SLC20A2: variants seen among roughly 807,000 people sequenced by gnomAD.
SLC20A2 encodes sodium-dependent phosphate transporter 2.
A neutral mutation model predicts 61.0 loss-of-function variants in SLC20A2; 30 were observed. That is an observed-to-expected ratio of 0.49 (90% CI 0.37 to 0.67). SLC20A2 has a LOEUF of 0.67. SLC20A2 is among the 30% of genes least tolerant of loss of function. SLC20A2 has a pLI of 0.00. For synonymous variants in SLC20A2, 351 were observed against 353.3 expected, an observed-to-expected ratio of 0.99 and a Z score of 0.07; for missense variants, 626 against 866.4, an observed-to-expected ratio of 0.72 and a Z score of 3.48.
chr8:42,469,867 G>T (rs1235665719), intron 2 of SLC20A2, among the ~76,000 whole-genome samples: 1 of 151,348 alleles, frequency 6.6e-6, no homozygotes, highest in Non-Finnish European at 1.5e-5. Context: ...GGCAGAGGTT[G>T]CAGTGAGCCG....
chr8:42,458,683 C>T (rs577399879), intron 5 of SLC20A2, among the ~76,000 whole-genome samples: 5 of 148,940 alleles, frequency 3.4e-5, no homozygotes, highest in South Asian at 2.1e-4. Context: ...CAAGGTGGGG[C>T]GGATCATGAG....
intron 8 of SLC20A2, among the ~76,000 whole-genome samples, chr8:42,430,840 A>G (rs559019703): frequency 3.9e-5 from 6 of 152,266 alleles, no homozygotes; most frequent in South Asian, 2.1e-4. Flanking sequence ...ATCTGTGATC[A>G]GTGATCTTTT....
intron 1 of SLC20A2, among the ~76,000 whole-genome samples, chr8:42,510,218 C>A (rs139273656): frequency 9.2e-5 from 14 of 152,156 alleles, no homozygotes; most frequent in African/African-American, 3.4e-4. Flanking sequence ...AACAAAAAAA[C>A]CCATTAAAAG....
intron 9 of SLC20A2, 61 bp from the exon 10 acceptor site, chr8:42,428,903 G>A (rs1312816927): frequency 6.1e-5 from 84 of 1,387,768 alleles, no homozygotes; most frequent in Admixed American, 7.7e-5. Flanking sequence ...CTGACACCCC[G>A]TGGGTGCTAG....
chr8:42,459,255 A>T (rs913080092), intron 5 of SLC20A2, among the ~76,000 whole-genome samples: 1 of 151,460 alleles, frequency 6.6e-6, no homozygotes, highest in African/African-American at 2.4e-5. Context: ...AAAAAAAAAA[A>T]AAAACATAAA....
chr8:42,513,583 C>T (rs747430434), intron 1 of SLC20A2, among the ~76,000 whole-genome samples: 6 of 152,144 alleles, frequency 3.9e-5, no homozygotes, highest in Non-Finnish European at 7.3e-5. Flanking sequence ...TTGCATTCCC[C>T]AACCCCATAG....
chr8:42,493,542 A>G (rs1200407676), intron 1 of SLC20A2, among the ~76,000 whole-genome samples: 2 of 152,172 alleles, frequency 1.3e-5, no homozygotes, highest in African/African-American at 2.4e-5. Flanking sequence ...TGAAATTTTA[A>G]TGGATAATCA....
chr8:42,439,361 C>G, intron 7 of SLC20A2, 89 bp downstream of exon 7: 1 of 1,256,368 alleles, frequency 8.0e-7, no homozygotes, highest in East Asian at 2.4e-5. Flanking sequence ...TGCATTAAAA[C>G]CAGATTGCCC....
At chr8:42,515,850 T>G (rs1419906601) in intron 1 of SLC20A2, among the ~76,000 whole-genome samples, 11 of 152,214 alleles carry the variant, frequency 7.2e-5, no homozygotes, top group Non-Finnish European at 1.5e-5. Flanking sequence ...TTGTTTCAAT[T>G]ATCAAAGAGT....
At chr8:42,512,674 T>C (rs947674430) in intron 1 of SLC20A2, among the ~76,000 whole-genome samples, 5 of 152,168 alleles carry the variant, frequency 3.3e-5, no homozygotes, top group African/African-American at 1.2e-4. Context: ...TTCAATAAGA[T>C]GGATAAAAAT....
chr8:42,529,447 G>T (rs1021056733), intron 1 of SLC20A2, among the ~76,000 whole-genome samples: 10 of 151,948 alleles, frequency 6.6e-5, no homozygotes, highest in Non-Finnish European at 1.5e-5. Flanking sequence ...CATTTTATTA[G>T]AAAATTACAT....
intron 3 of SLC20A2, among the ~76,000 whole-genome samples, chr8:42,464,110 TTTTTTTTTTTTTTG>T: frequency 1.1e-5 from 1 of 88,920 alleles, no homozygotes; most frequent in African/African-American, 3.8e-5. Context: ...TTTTTTTTTT[TTTTTTTTTTTTTTG>T]AGACAGGGTC....
At chr8:42,441,238 TC>T (rs1804759721) in intron 6 of SLC20A2, among the ~76,000 whole-genome samples, 1 of 151,850 alleles carries the variant, frequency 6.6e-6, no homozygotes. Flanking sequence ...CACTGTAACT[TC>T]CGCCTCCCGG....
chr8:42,446,681 G>A (rs919997031), intron 5 of SLC20A2, among the ~76,000 whole-genome samples: 3 of 152,018 alleles, frequency 2.0e-5, no homozygotes, highest in Admixed American at 6.6e-5. Flanking sequence ...CCACATTCCC[G>A]TCATATCTGT....
At chr8:42,457,673 G>A (rs1806324364) in intron 5 of SLC20A2, among the ~76,000 whole-genome samples, 1 of 152,090 alleles carries the variant, frequency 6.6e-6, no homozygotes, top group African/African-American at 2.4e-5. Context: ...TTTTAGTAGA[G>A]ACGGGGTTTC....
rs1275666909 is a variant in SLC20A2, at chr8:42,439,455, G to A, written c.929C>T (p.Ala310Val). 1.2e-6 allele frequency: 2 copies of A among 1,613,212 alleles called. No individual in the cohort carries two copies. Among genetic ancestry groups the A allele is most frequent in the South Asian group, 1.1e-5 (1 of 91,032 alleles). The part of the protein sequence containing the change: ...GTSAGSHPRA[A>V]YGRALSMTHG... Reference sequence around the variant, plus strand: ...GCTCTCCAGGCACATCTTACCGTATGCAGCCCGAGGGTGGCTGCCCGCAGA... The same window carrying A: ...GCTCTCCAGGCACATCTTACCGTATACAGCCCGAGGGTGGCTGCCCGCAGA... The change falls in exon 7 of 11, where the codon GCA becomes GTA. Residue 310 changes from alanine (A) to valine (V), a missense_variant. By Grantham distance (64) the Ala-to-Val change is moderately conservative. This residue lies in a region of SLC20A2 where 361 missense variants were observed against 422.3 expected (regional missense o/e 0.85). Coordinates refer to ENST00000520262, the MANE Select transcript of SLC20A2 (RefSeq NM_001257180.2).
At chr8:42,515,567 A>T (rs943935077) in intron 1 of SLC20A2, among the ~76,000 whole-genome samples, 21 of 152,158 alleles carry the variant, frequency 1.4e-4, no homozygotes, top group African/African-American at 4.6e-4. Flanking sequence ...GTGAGAGAAC[A>T]GACCTAGGAA....
intron 1 of SLC20A2, among the ~76,000 whole-genome samples, chr8:42,531,042 C>A (rs1052910835): frequency 3.3e-5 from 5 of 152,154 alleles, no homozygotes; most frequent in East Asian, 1.9e-4. Context: ...TTAATCAGTT[C>A]TCCTGTAATA....
chr8:42,484,663 TC>T, intron 1 of SLC20A2: 1 of 351,708 alleles, frequency 2.8e-6, no homozygotes. Flanking sequence ...CCCCATGGTG[TC>T]CCCTGACAGA....
Sources: allele counts gnomAD v4.1 joint callset (sites outside exome capture counted in the v4.1 genomes callset), GRCh38; gene constraint gnomAD v4.1.1; regional missense constraint gnomAD v4.1.1; transcripts MANE v1.5; gene names NCBI Gene and HGNC (gene_info 2026-07-23, HGNC 2026-07-21).